Variants in DRC9 observed in about 807,000 individuals in gnomAD.
DRC9 encodes dynein regulatory complex protein 9.
chr3:197,938,409 G>A, the DRC9 span: 2 of 673,076 alleles, frequency 3.0e-6, no homozygotes, highest in African/African-American at 3.6e-5. Context: ...GCAGTCTTTA[G>A]CTAATTCTAT....
chr3:197,905,192 ATAATT>A, the DRC9 span, among the ~76,000 whole-genome samples: 1 of 152,226 alleles, frequency 6.6e-6, no homozygotes, highest in Non-Finnish European at 1.5e-5. Flanking sequence ...ACCATAGTCA[ATAATT>A]TAATTGTAAA....
the DRC9 span, among the ~76,000 whole-genome samples, chr3:197,932,944 T>C: frequency 4.1e-5 from 5 of 120,804 alleles, no homozygotes; most frequent in Non-Finnish European, 7.9e-5. Flanking sequence ...ATATGTATAA[T>C]ATATATTATA....
the DRC9 span, among the ~76,000 whole-genome samples, chr3:197,952,194 C>T: frequency 2.1e-5 from 2 of 94,190 alleles, no homozygotes; most frequent in African/African-American, 8.5e-5. Context: ...TTTTTGGAGA[C>T]GGAGTCTCAC....
At chr3:197,906,634 G>A in the DRC9 span, 2 of 152,166 alleles carry the variant, frequency 1.3e-5, no homozygotes, top group Non-Finnish European at 2.9e-5. Flanking sequence ...AGAAGGCCTG[G>A]GTAGTTTGCT....
the DRC9 span, chr3:197,951,629 A>G: frequency 2.7e-6 from 1 of 363,990 alleles, no homozygotes; most frequent in African/African-American, 2.1e-5. Context: ...CTGAGATTAC[A>G]GGCTTGAGCC....
chr3:197,926,391 C>T, the DRC9 span, among the ~76,000 whole-genome samples: 1 of 152,154 alleles, frequency 6.6e-6, no homozygotes, highest in African/African-American at 2.4e-5. Flanking sequence ...CTAAAAATAG[C>T]TGCTGCTGAG....
the DRC9 span, among the ~76,000 whole-genome samples, chr3:197,943,289 C>A: frequency 1.3e-4 from 20 of 151,998 alleles, no homozygotes; most frequent in Admixed American, 3.9e-4. Flanking sequence ...TGGGTAAAAC[C>A]AATATACTAG....
chr3:197,956,250 G>A, the DRC9 span: 283 of 181,330 alleles, frequency 1.6e-3, 1 homozygote, highest in African/African-American at 3.7e-3. Flanking sequence ...CACCACACCT[G>A]CCAAGTGCTT....
the DRC9 span, among the ~76,000 whole-genome samples, chr3:197,946,261 C>A: frequency 6.6e-6 from 1 of 151,892 alleles, no homozygotes; most frequent in African/African-American, 2.4e-5. Flanking sequence ...CGGTGAAACC[C>A]CGTCTCTACT....
At chr3:197,956,050 C>G in the DRC9 span, 2 of 429,876 alleles carry the variant, frequency 4.7e-6, no homozygotes, top group African/African-American at 4.0e-5. Flanking sequence ...GCCTCACATT[C>G]AAAGGCTCAA....
At chr3:197,939,294 A>T in the DRC9 span, among the ~76,000 whole-genome samples, 1 of 152,242 alleles carries the variant, frequency 6.6e-6, no homozygotes, top group African/African-American at 2.4e-5. Context: ...TGAACTTGAA[A>T]TACAAATAAA....
the DRC9 span, among the ~76,000 whole-genome samples, chr3:197,909,500 G>A: frequency 3.9e-5 from 6 of 152,056 alleles, no homozygotes; most frequent in African/African-American, 9.7e-5. Flanking sequence ...AGAAGGTTTC[G>A]CAATGTTATC....
the DRC9 span, among the ~76,000 whole-genome samples, chr3:197,896,266 C>T: frequency 6.6e-6 from 1 of 151,776 alleles, no homozygotes; most frequent in Non-Finnish European, 1.5e-5. Flanking sequence ...ATGCTTGAAC[C>T]CAGGAGGCGG....
At chr3:197,951,014 G>T in the DRC9 span, 5 of 1,609,644 alleles carry the variant, frequency 3.1e-6, no homozygotes, top group Non-Finnish European at 4.3e-6. Context: ...ATTTTTGTGT[G>T]TTAGACGTGA....
the DRC9 span, among the ~76,000 whole-genome samples, chr3:197,893,182 G>A: frequency 6.6e-6 from 1 of 151,688 alleles, no homozygotes; most frequent in African/African-American, 2.4e-5. Context: ...ACGTGGAGAA[G>A]CCCCGTCTCT....
the DRC9 span, chr3:197,950,076 C>A: frequency 8.5e-7 from 1 of 1,182,346 alleles, no homozygotes; most frequent in Non-Finnish European, 1.1e-6. Context: ...TGGCTTATTT[C>A]AGTGCGAAGC....
chr3:197,909,210 GTGT>G, the DRC9 span, among the ~76,000 whole-genome samples: 3 of 152,162 alleles, frequency 2.0e-5, no homozygotes, highest in Non-Finnish European at 1.5e-5. Flanking sequence ...CAGAACAGTG[GTGT>G]TGTATTAACA....
chr3:197,912,857 C>A, the DRC9 span: 100 of 871,318 alleles, frequency 1.1e-4, no homozygotes, highest in Non-Finnish European at 1.7e-5. Flanking sequence ...CCTTTACCAG[C>A]TGGGATCCCG....
chr3:197,957,571 C>T, the DRC9 span: 1 of 151,816 alleles, frequency 6.6e-6, no homozygotes, highest in Non-Finnish European at 1.5e-5. Context: ...CATTCTGTCT[C>T]AGCCTCCCAG....
Sources: allele counts gnomAD v4.1 joint callset (sites outside exome capture counted in the v4.1 genomes callset), GRCh38; gene constraint gnomAD v4.1.1; transcripts MANE v1.5; gene names NCBI Gene and HGNC (gene_info 2026-07-23, HGNC 2026-07-21).